Variants in RASSF1 observed in about 807,000 individuals in gnomAD.
The protein encoded by RASSF1 is ras association domain-containing protein 1.
In RASSF1, 33 loss-of-function variants were observed where a neutral mutation model predicts 34.3. The observed-to-expected ratio is 0.96, with a 90% CI of 0.73 to 1.29. The LOEUF (loss-of-function observed/expected upper bound fraction) is 1.29, where lower values mean the gene tolerates loss of function less well. Ranked by LOEUF, RASSF1 falls within the 50% of genes most tolerant of loss-of-function variation. RASSF1 has a pLI of 0.00. For missense variants in RASSF1, 445 were observed against 471.8 expected, an observed-to-expected ratio of 0.94 and a Z score of 0.53; for synonymous variants, 191 against 195.0, an observed-to-expected ratio of 0.98 and a Z score of 0.17.
rs782473316 is a variant in RASSF1 at position 50,330,617 on chromosome 3, C to A, written c.987G>T (p.Lys329Asn). The A allele has an allele frequency of 6.2e-7, 1 of 1,614,174 alleles. No individual in the cohort carries two copies. The highest frequency in any genetic ancestry group is 8.5e-7 in the Non-Finnish European group (1 of 1,180,014). Residue 329 changes from lysine to asparagine, a missense_variant, in exon 6 of 6, where the codon AAG (lysine) becomes AAT (asparagine). By Grantham distance (94) the Lys-to-Asn change is moderately conservative (BLOSUM62 0). Coordinates refer to ENST00000359365, the MANE Select transcript of RASSF1 (RefSeq NM_007182.5). The surrounding 1 kb of genome is among the most constrained non-coding windows in gnomAD (Gnocchi z 4.5). ...ILQKYSYCRQ[K>N]IQEALHACPL... ...GGCAGGCGTGCAGGGCCTCTTGGAT[C>A]TTCTGGCGGCAATAGGAGTACTTCT...
intron 2 of RASSF1, among the ~76,000 whole-genome samples, chr3:50,332,355 A>G (rs1411478039): frequency 6.6e-6 from 1 of 152,180 alleles, no homozygotes; most frequent in Non-Finnish European, 1.5e-5. Context: ...AGACAGAATC[A>G]TTTGGCTTCT....
intron 1 of RASSF1, among the ~76,000 whole-genome samples, chr3:50,339,360 CTTT>C (rs1017192174): frequency 4.8e-5 from 5 of 104,448 alleles, no homozygotes; most frequent in African/African-American, 1.4e-4. Context: ...CAGCCTTGTT[CTTT>C]TTTTTTTTTT....
chr3:50,331,328 A>G lies in RASSF1; in HGVS notation c.876+6T>C. The stretch of plus-strand genomic sequence containing the variant: ...ACAACCAAGAAACTAAGAACTATGT[A>G]CTCACGTTCACCTCCCCAGAGTCAT... On this transcript the variant is annotated splice_donor_region_variant and intron_variant, in intron 5 of 5. Coordinates refer to ENST00000359365, the MANE Select transcript of RASSF1 (RefSeq NM_007182.5). The G allele has an allele frequency of 7.1e-6, 11 of 1,553,812 alleles. No individual in the cohort carries two copies. The highest frequency in any genetic ancestry group is 8.8e-6 in the Non-Finnish European group (10 of 1,138,304).
chr3:50,337,486 T>A, intron 2 of RASSF1: 1 of 1,541,202 alleles, frequency 6.5e-7, no homozygotes, highest in Non-Finnish European at 8.7e-7. Context: ...TCTTGTCTCA[T>A]TGGGGCAGGA....
intron 1 of RASSF1, among the ~76,000 whole-genome samples, chr3:50,339,494 T>C (rs1703285612): frequency 6.6e-6 from 1 of 150,484 alleles, no homozygotes; most frequent in African/African-American, 2.5e-5. Flanking sequence ...GCCTCCCGAG[T>C]AGCTGGGATT....
rs750547621 is a variant in RASSF1 at position 50,331,581 on chromosome 3, C to CTCAA, written c.734_737dup (p.Glu246AspfsTer2). 3.1e-6 allele frequency: 5 copies of CTCAA among 1,598,004 alleles called. No individual in the cohort carries two copies. The African/African-American group carries it at 4.0e-5, about 13-fold the overall frequency. On this transcript the variant is annotated stop_gained and frameshift_variant, in exon 4 of 6. Transcript: ENST00000359365. LOFTEE classifies it high-confidence loss of function. ...CACCTTGGCCGTGACGCTCAGCGCG[C>CTCAA]TCAAAGAGTGCAAACTTGCGGGGGT...
Position 50,340,657 on chromosome 3 carries a change from C to CGGCCAGGGA in RASSF1, c.140_148dup (p.Gly49_Arg50insLeuProGly). 2.0e-6 allele frequency: 3 copies of CGGCCAGGGA among 1,527,258 alleles called. No individual in the cohort carries two copies. The highest frequency in any genetic ancestry group is 2.6e-6 in the Non-Finnish European group (3 of 1,147,982). The allele number at this position is 1,527,258 out of a possible 1,614,324, so 94.6% of individuals were successfully genotyped here. ...CCCCGCGGGCTGGAAGCGGTGGCCA[C>CGGCCAGGGA]GGCCAGGGACCAGCTGCCGTGTGGG... On this transcript the variant is annotated inframe_insertion, in exon 1 of 6. Transcript: ENST00000359365.
At chr3:50,333,584 C>A (rs1478513801) in intron 2 of RASSF1, among the ~76,000 whole-genome samples, 2 of 151,934 alleles carry the variant, frequency 1.3e-5, no homozygotes, top group African/African-American at 4.8e-5. Context: ...TCAAGCGATT[C>A]TCCTGCCTCA....
At chr3:50,333,477 A>G (rs1162752876) in intron 2 of RASSF1, among the ~76,000 whole-genome samples, 3 of 151,922 alleles carry the variant, frequency 2.0e-5, no homozygotes, top group African/African-American at 7.3e-5. Flanking sequence ...ATTTGGCCCA[A>G]AGATTTTTTT....
Position 50,340,789 on chromosome 3 carries a change from TC to T in RASSF1, c.16del (p.Glu6SerfsTer147). 1 of 1,512,702 alleles carries T rather than the reference TC, an allele frequency of 6.6e-7. No homozygotes were observed. Among genetic ancestry groups the T allele is most frequent in the Non-Finnish European group, 8.8e-7 (1 of 1,140,462 alleles). The allele number at this position is 1,512,702 out of a possible 1,614,324, so 93.7% of individuals were successfully genotyped here. A position where few individuals can be genotyped will look rare whatever the true frequency, so the allele number is the denominator to read the frequency against. MSGEP[E>X]LIELRELAPA... is the part of the protein sequence containing the mutation. ...TGCCAGCTCCCGCAGCTCAATGAGC[TC>T]AGGCTCCCCCGACATGGCCCGGTTG... On this transcript the variant is annotated frameshift_variant, in exon 1 of 6. Transcript: ENST00000359365. LOFTEE classifies it high-confidence loss of function.
chr3:50,330,615 A>G lies in RASSF1; in HGVS notation c.989T>C (p.Ile330Thr). The change falls in exon 6 of 6, where the codon ATC becomes ACC. Residue 330 changes from isoleucine to threonine, a missense_variant. Ile to Thr is a moderately conservative substitution (Grantham distance 89). Coordinates refer to ENST00000359365, the MANE Select transcript of RASSF1 (RefSeq NM_007182.5). The surrounding 1 kb of genome is among the most constrained non-coding windows in gnomAD (Gnocchi z 4.5). The part of the protein sequence containing the change: ...LQKYSYCRQK[I>T]QEALHACPLG Reference sequence around the variant, plus strand: ...GGGGCAGGCGTGCAGGGCCTCTTGGATCTTCTGGCGGCAATAGGAGTACTT... The same window carrying G: ...GGGGCAGGCGTGCAGGGCCTCTTGGGTCTTCTGGCGGCAATAGGAGTACTT... The G allele has an allele frequency of 1.2e-6, 2 of 1,614,102 alleles. No individual in the cohort carries two copies. Among genetic ancestry groups the G allele is most frequent in the Non-Finnish European group, 1.7e-6 (2 of 1,179,996 alleles).
rs1559845898 is a variant in RASSF1 at position 50,337,921 on chromosome 3, T to C, written c.341A>G (p.Glu114Gly). 2 of 1,610,696 alleles carry C rather than the reference T, an allele frequency of 1.2e-6. No homozygotes were observed. Among genetic ancestry groups the C allele is most frequent in the South Asian group, 2.2e-5 (2 of 90,868 alleles). The change falls in exon 2 of 6, where the codon GAG becomes GGG. Residue 114 changes from glutamate to glycine, a missense_variant. Physicochemically the swap from Glu to Gly is moderately conservative, Grantham distance 98 (BLOSUM62 -2). Coordinates refer to ENST00000359365, the MANE Select transcript of RASSF1 (RefSeq NM_007182.5). ...CGCGCTCACCACGTTCGTGTCCCGC[T>C]CCACCGCGGGTTCCCAGCCCAGGTC... The part of the protein sequence containing the change: ...PRDLGWEPAV[E>G]RDTNVDEPVE...
intron 2 of RASSF1, among the ~76,000 whole-genome samples, chr3:50,333,880 G>A (rs1389560956): frequency 2.0e-5 from 3 of 152,172 alleles, no homozygotes; most frequent in Admixed American, 6.6e-5. Context: ...GCTCTGAACC[G>A]ACTTTCTTCT....
chr3:50,336,438 G>A (rs191217885), intron 2 of RASSF1: 5 of 152,298 alleles, frequency 3.3e-5, no homozygotes, highest in Admixed American at 1.3e-4. Flanking sequence ...GGGATACCTA[G>A]GAGGTTCCGA....
chr3:50,332,046 T>C lies in RASSF1; in HGVS notation c.462+4A>G. On this transcript the variant is annotated splice_donor_region_variant and intron_variant, in intron 3 of 5. Transcript: ENST00000359365. ...CACGCCCCCTTCCTGAGCAGTCAAC[T>C]CACCAAGCTCATGAAGAGGTTGCTG... 1 of 1,613,282 alleles carries C rather than the reference T, an allele frequency of 6.2e-7. No homozygotes were observed. Among genetic ancestry groups the C allele is most frequent in the South Asian group, 1.1e-5 (1 of 91,060 alleles).
chr3:50,340,556 G>A lies in RASSF1; in HGVS notation c.250C>T (p.His84Tyr). 3 of 1,521,634 alleles carry A rather than the reference G, an allele frequency of 2.0e-6. No individual in the cohort carries two copies. Among genetic ancestry groups the A allele is most frequent in the Non-Finnish European group, 1.7e-6 (2 of 1,145,346 alleles). The allele number at this position is 1,521,634 out of a possible 1,614,324, so 94.3% of individuals were successfully genotyped here. A position where few individuals can be genotyped will look rare whatever the true frequency, so the allele number is the denominator to read the frequency against. The change falls in exon 1 of 6, where the codon CAT becomes TAT. Residue 84 changes from histidine to tyrosine, a missense_variant and splice_region_variant. Coordinates refer to ENST00000359365, the MANE Select transcript of RASSF1 (RefSeq NM_007182.5). ...GTAGGCGCGCGGGGCCACTACTCAC[G>A]CGCGCACTGCAGGCCTTTGCGCACG... ...GVVRKGLQCAHCKFTCHYRCR... is the reference protein window; with the variant it reads ...GVVRKGLQCAYCKFTCHYRCR...
At chr3:50,334,406 G>A (rs1703052315) in intron 2 of RASSF1, among the ~76,000 whole-genome samples, 1 of 152,298 alleles carries the variant, frequency 6.6e-6, no homozygotes, top group Non-Finnish European at 1.5e-5. Flanking sequence ...AAAAACAAAT[G>A]GTGTGGGCCC....
At chr3:50,336,878 T>G in intron 2 of RASSF1, 1 of 442,000 alleles carries the variant, frequency 2.3e-6, no homozygotes. Flanking sequence ...TCGGTCGGCT[T>G]TAGTCATAGC....
At chr3:50,340,428 G>T in intron 1 of RASSF1, 128 bp downstream of exon 1, 1 of 1,263,562 alleles carries the variant, frequency 7.9e-7, no homozygotes, top group Non-Finnish European at 1.0e-6. Flanking sequence ...GCGATGGGGC[G>T]AAAGTAACGG....
Sources: gnomAD v4.1 joint callset for allele counts (sites outside exome capture counted in the v4.1 genomes callset) on GRCh38, gnomAD v4.1.1 for gene constraint, Gnocchi (gnomAD v3.1) non-coding constraint, MANE v1.5 for transcripts, NCBI Gene and HGNC (gene_info 2026-07-23, HGNC 2026-07-21) for gene names.